Variants in CDC14A observed in about 807,000 individuals in gnomAD.
CDC14A encodes the protein cell division cycle 14A, also known as dual specificity protein phosphatase CDC14A.
In CDC14A, 53 loss-of-function variants were observed where a neutral mutation model predicts 74.4. The ratio of observed to expected loss-of-function variants is 0.71; its 90% CI spans 0.57 to 0.89. CDC14A has a LOEUF of 0.89. Among genes scored for constraint, CDC14A ranks in the 40% least tolerant of loss-of-function variants. The pLI is 0.00. For missense variants in CDC14A, 646 were observed against 713.7 expected, an observed-to-expected ratio of 0.91 and a Z score of 1.08; for synonymous variants, 247 against 258.4, an observed-to-expected ratio of 0.96 and a Z score of 0.43.
chr1:100,355,177 G>A (rs1256005990), intron 2 of CDC14A, among the ~76,000 whole-genome samples: 2 of 152,224 alleles, frequency 1.3e-5, no homozygotes, highest in African/African-American at 2.4e-5. Flanking sequence ...GTCACTGCCA[G>A]CAGTGTTTAT....
intron 4 of CDC14A, among the ~76,000 whole-genome samples, chr1:100,416,428 A>G (rs1350999555): frequency 1.3e-5 from 2 of 152,208 alleles, no homozygotes; most frequent in African/African-American, 4.8e-5. Context: ...AGCAGGGACC[A>G]GTGGCATTTA....
chr1:100,420,028 A>G (rs1346426880), intron 4 of CDC14A, among the ~76,000 whole-genome samples: 3 of 19,810 alleles, frequency 1.5e-4, no homozygotes, highest in Non-Finnish European at 2.6e-4. Flanking sequence ...ATATATACAT[A>G]TATACACACA....
At chr1:100,435,172 G>A (rs1482985889) in intron 5 of CDC14A, among the ~76,000 whole-genome samples, 1 of 152,196 alleles carries the variant, frequency 6.6e-6, no homozygotes, top group African/African-American at 2.4e-5. Context: ...TGAACCTTGA[G>A]AAGGTTTGAC....
chr1:100,500,979 C>T (rs1402049443), intron 15 of CDC14A, among the ~76,000 whole-genome samples: 3 of 151,876 alleles, frequency 2.0e-5, no homozygotes, highest in Non-Finnish European at 4.4e-5. Flanking sequence ...CTGATGTTCC[C>T]TGTCCTATTT....
chr1:100,504,949 C>T lies in CDC14A; in HGVS notation c.1755+5687C>T. ...TGAAGCTCTCCCCAGTAAGTGGAAT[C>T]CACCCTATAATTAATACTTTATTTT... On this transcript the variant is annotated intron_variant, in intron 15 of 15. Coordinates refer to ENST00000336454, the MANE Select transcript of CDC14A (RefSeq NM_003672.4). 4.6e-6 allele frequency: 7 copies of T among 1,517,504 alleles called. No homozygotes were observed. The South Asian group carries it at 8.4e-5, about 18-fold the overall frequency. 94.0% of individuals were successfully genotyped at this position (1,517,504 alleles called of 1,614,324 possible).
chr1:100,360,596 C>T (rs1454371483), intron 2 of CDC14A, among the ~76,000 whole-genome samples: 3 of 152,068 alleles, frequency 2.0e-5, no homozygotes, highest in East Asian at 1.9e-4. Flanking sequence ...CTGCCTGCCT[C>T]GGCCTCCCAA....
chr1:100,358,562 A>G (rs541864049), intron 2 of CDC14A, among the ~76,000 whole-genome samples: 64 of 152,306 alleles, frequency 4.2e-4, no homozygotes, highest in Middle Eastern at 3.4e-3. Flanking sequence ...AACTCTAGGG[A>G]CTGAATTTTA....
At chr1:100,466,115 A>G (rs772994607) in intron 9 of CDC14A, among the ~76,000 whole-genome samples, 1 of 152,164 alleles carries the variant, frequency 6.6e-6, no homozygotes, top group African/African-American at 2.4e-5. Flanking sequence ...AGAAATTGGA[A>G]AATTTCCTGC....
intron 2 of CDC14A, among the ~76,000 whole-genome samples, chr1:100,375,027 A>G (rs1349867521): frequency 6.6e-6 from 1 of 152,224 alleles, no homozygotes; most frequent in African/African-American, 2.4e-5. Flanking sequence ...TTAGTAGTAT[A>G]TGTAGTAGAC....
At chr1:100,498,559 G>T (rs1386959211) in intron 14 of CDC14A, among the ~76,000 whole-genome samples, 1 of 152,240 alleles carries the variant, frequency 6.6e-6, no homozygotes, top group East Asian at 1.9e-4. Context: ...ATGTAGTCAT[G>T]TGATTGAATA....
chr1:100,389,800 T>C (rs76091231), intron 3 of CDC14A, among the ~76,000 whole-genome samples: 2,807 of 152,252 alleles, frequency 0.018, 44 homozygotes, highest in Non-Finnish European at 0.031. Flanking sequence ...AATACTGAAA[T>C]GTACTTTTGT....
chr1:100,475,691 C>T (rs1668821235), intron 10 of CDC14A, among the ~76,000 whole-genome samples: 1 of 152,080 alleles, frequency 6.6e-6, no homozygotes, highest in Non-Finnish European at 1.5e-5. Flanking sequence ...TTCTAGTTTT[C>T]CATCGGGTCT....
intron 9 of CDC14A, among the ~76,000 whole-genome samples, chr1:100,465,701 T>G (rs1667734772): frequency 6.6e-6 from 1 of 152,250 alleles, no homozygotes; most frequent in Non-Finnish European, 1.5e-5. Flanking sequence ...GGATTACATT[T>G]CAATATCTGC....
chr1:100,484,185 T>C (rs1669798436), intron 10 of CDC14A, 107 bp from the exon 11 acceptor site: 1 of 573,060 alleles, frequency 1.7e-6, no homozygotes, highest in South Asian at 3.4e-5. Context: ...TAAATGCTTA[T>C]TTGCTAAATC....
intron 12 of CDC14A, among the ~76,000 whole-genome samples, chr1:100,495,666 C>T (rs17122665): frequency 0.044 from 6,702 of 152,170 alleles, 161 homozygotes; most frequent in African/African-American, 0.072. Context: ...GATGTTTTGC[C>T]GGTATGGTAA....
intron 7 of CDC14A, among the ~76,000 whole-genome samples, chr1:100,449,936 A>G (rs1665962521): frequency 6.6e-6 from 1 of 152,172 alleles, no homozygotes; most frequent in Non-Finnish European, 1.5e-5. Flanking sequence ...CCAAGGGACA[A>G]ATTTACCATG....
chr1:100,346,172 A>AAAAAC lies in CDC14A; in HGVS notation c.-126+1014_-126+1018dup, dbSNP rs543442385. Among the ~76,000 whole-genome samples the AAAAAC allele has an allele frequency of 5.3e-3, 805 of 152,242 alleles. 6 individuals carry two copies. Among genetic ancestry groups the AAAAAC allele is most frequent in the African/African-American group, 0.017 (721 of 41,528 alleles). On this transcript the variant is annotated intron_variant, in intron 1 of 14. Transcript: ENST00000635056. ...GGGTGACAGAGCAAGACTCCATCTC[A>AAAAAC]AAAACAAAACAAAACAAAACAAAAC...
chr1:100,464,907 A>ATTTCTTTTCT (rs767646802), intron 9 of CDC14A, among the ~76,000 whole-genome samples: 3 of 149,442 alleles, frequency 2.0e-5, no homozygotes, highest in African/African-American at 7.4e-5. Flanking sequence ...TATATTGCAA[A>ATTTCTTTTCT]TTTCTTTTCT....
upstream of CDC14A, among the ~76,000 whole-genome samples, chr1:100,347,546 G>A (rs1650532060): frequency 6.6e-6 from 1 of 152,202 alleles, no homozygotes; most frequent in Admixed American, 6.5e-5. Flanking sequence ...TTTGCGGGCA[G>A]ACTTCTGGAA....
Sources: allele counts gnomAD v4.1 joint callset (sites outside exome capture counted in the v4.1 genomes callset), GRCh38; gene constraint gnomAD v4.1.1; transcripts MANE v1.5; gene names NCBI Gene and HGNC (gene_info 2026-07-23, HGNC 2026-07-21).